Variants in LCORL observed in about 807,000 individuals in gnomAD.
LCORL encodes ligand dependent nuclear receptor corepressor like, also known as ligand-dependent nuclear receptor corepressor-like protein.
A neutral mutation model predicts 141.8 loss-of-function variants in LCORL; 41 were observed. That is an observed-to-expected ratio of 0.29 (90% CI 0.23 to 0.38). The LOEUF (loss-of-function observed/expected upper bound fraction) is 0.38. LCORL is among the 10% of genes least tolerant of loss of function. The pLI, the probability that LCORL is intolerant of heterozygous loss-of-function variation, is 1.00. For missense variants in LCORL, 1,759 were observed against 2,035.0 expected, an observed-to-expected ratio of 0.86 and a Z score of 2.61; for synonymous variants, 618 against 694.1, an observed-to-expected ratio of 0.89 and a Z score of 1.72.
At chr4:17,843,554 C>T (rs1290192910) in exon 8 of LCORL, 26 of 1,037,682 alleles carry the variant, frequency 2.5e-5, no homozygotes, top group Admixed American at 1.2e-4. Context: ...TGCGCTTCCA[C>T]GTTACTTTGG....
chr4:17,862,990 T>TAAC (rs1725178180), intron 7 of LCORL, among the ~76,000 whole-genome samples: 1 of 151,828 alleles, frequency 6.6e-6, no homozygotes, highest in African/African-American at 2.4e-5. Flanking sequence ...AAGATGAACT[T>TAAC]AATTAATAAG....
intron 7 of LCORL, among the ~76,000 whole-genome samples, chr4:17,864,371 C>T (rs189483595): frequency 1.3e-5 from 2 of 152,154 alleles, no homozygotes; most frequent in Admixed American, 6.6e-5. Context: ...GCCACAGGCA[C>T]GTGCCACTAC....
intron 4 of LCORL, among the ~76,000 whole-genome samples, chr4:17,927,315 C>T (rs1354184861): frequency 6.6e-6 from 1 of 152,206 alleles, no homozygotes; most frequent in African/African-American, 2.4e-5. Context: ...AATGTCATGG[C>T]CGGTTTGGTC....
At chr4:18,004,285 A>G (rs1033194346) in intron 1 of LCORL, among the ~76,000 whole-genome samples, 1 of 152,244 alleles carries the variant, frequency 6.6e-6, no homozygotes, top group Non-Finnish European at 1.5e-5. Flanking sequence ...GCCCATTTTC[A>G]TGCTGCTAAC....
chr4:17,861,440 G>A (rs937272671), intron 7 of LCORL, among the ~76,000 whole-genome samples: 2 of 152,174 alleles, frequency 1.3e-5, no homozygotes, highest in African/African-American at 2.4e-5. Flanking sequence ...CAGGTCCCTA[G>A]ACTGCACACA....
At chr4:17,870,855 A>C (rs2109164824) in intron 7 of LCORL, among the ~76,000 whole-genome samples, 1 of 152,310 alleles carries the variant, frequency 6.6e-6, no homozygotes. Context: ...TGATATATAC[A>C]GCAGTACAAA....
At chr4:17,929,332 C>T (rs113745459) in intron 4 of LCORL, among the ~76,000 whole-genome samples, 2 of 152,092 alleles carry the variant, frequency 1.3e-5, no homozygotes, top group East Asian at 1.9e-4. Context: ...AAAATAATCT[C>T]GAAAGAGAAC....
exon 8 of LCORL, chr4:17,845,666 T>TA: frequency 7.9e-7 from 1 of 1,268,342 alleles, no homozygotes. Context: ...AAATGCTTAT[T>TA]GTTCAGAAGG....
intron 4 of LCORL, among the ~76,000 whole-genome samples, chr4:17,924,114 T>C (rs1283240024): frequency 6.6e-6 from 1 of 152,054 alleles, no homozygotes; most frequent in Non-Finnish European, 1.5e-5. Context: ...GATTGGGAAA[T>C]TGGTGACAAA....
intron 5 of LCORL, among the ~76,000 whole-genome samples, chr4:17,898,985 T>C (rs1240959336): frequency 3.3e-5 from 5 of 152,346 alleles, no homozygotes; most frequent in South Asian, 2.1e-4. Flanking sequence ...ACAGGGTATA[T>C]AGCTAAACTT....
chr4:17,909,685 C>A (rs1732191505), intron 4 of LCORL, among the ~76,000 whole-genome samples: 1 of 152,078 alleles, frequency 6.6e-6, no homozygotes, highest in Admixed American at 6.5e-5. Flanking sequence ...CATTAAAACA[C>A]TCAGTATGTG....
chr4:17,920,198 T>C (rs977143844), intron 4 of LCORL, among the ~76,000 whole-genome samples: 4 of 152,160 alleles, frequency 2.6e-5, no homozygotes, highest in Non-Finnish European at 4.4e-5. Flanking sequence ...TCCAGGTAGA[T>C]AGTATCAGAA....
chr4:17,842,877 A>G (rs969731126), exon 8 of LCORL: 1 of 163,520 alleles, frequency 6.1e-6, no homozygotes, highest in African/African-American at 2.4e-5. Context: ...TACACTGTTG[A>G]TTAAATTTGT....
intron 7 of LCORL, among the ~76,000 whole-genome samples, chr4:17,858,657 G>C (rs1333111167): frequency 6.6e-6 from 1 of 151,840 alleles, no homozygotes; most frequent in Non-Finnish European, 1.5e-5. Context: ...GAACCAGGGA[G>C]GTGGAGGTTG....
chr4:17,914,081 A>G (rs1359709079), intron 4 of LCORL, among the ~76,000 whole-genome samples: 3 of 152,244 alleles, frequency 2.0e-5, no homozygotes, highest in Non-Finnish European at 4.4e-5. Context: ...TCCAAACTAG[A>G]TTATATTAGC....
At chr4:18,010,303 C>T (rs183883024) in intron 1 of LCORL, among the ~76,000 whole-genome samples, 41 of 152,122 alleles carry the variant, frequency 2.7e-4, no homozygotes, top group Admixed American at 2.0e-3. Flanking sequence ...AAAAACCCTA[C>T]TAATTTTATT....
At chr4:18,015,222 A>G (rs1212162636) in intron 1 of LCORL, among the ~76,000 whole-genome samples, 3 of 152,222 alleles carry the variant, frequency 2.0e-5, no homozygotes, top group Non-Finnish European at 1.5e-5. Flanking sequence ...GCAATTTATC[A>G]TGCGCACAGC....
chr4:17,990,096 G>GTTT (rs372033680), intron 1 of LCORL, among the ~76,000 whole-genome samples: 13 of 122,632 alleles, frequency 1.1e-4, no homozygotes, highest in South Asian at 2.7e-4. Context: ...AACTCTCTGC[G>GTTT]TTTTTTTTTT....
intron 1 of LCORL, among the ~76,000 whole-genome samples, chr4:17,979,003 G>A (rs949357036): frequency 2.0e-5 from 3 of 152,028 alleles, no homozygotes; most frequent in Non-Finnish European, 2.9e-5. Flanking sequence ...CCATGTTGGC[G>A]TGCTGCACGC....
Sources: allele counts gnomAD v4.1 joint callset (sites outside exome capture counted in the v4.1 genomes callset), GRCh38; gene constraint gnomAD v4.1.1; transcripts MANE v1.5; gene names NCBI Gene and HGNC (gene_info 2026-07-23, HGNC 2026-07-21).